Variants in RTN4RL1 observed in about 807,000 individuals in gnomAD.
The protein encoded by RTN4RL1 is reticulon-4 receptor-like 1.
Under a neutral mutation model 25.6 loss-of-function variants are expected in RTN4RL1, and 7 were observed. That is an observed-to-expected ratio of 0.27 (90% CI 0.16 to 0.51). RTN4RL1 has a LOEUF of 0.51. Ranked by LOEUF, RTN4RL1 falls within the 20% of genes least tolerant of loss-of-function variation. The pLI is 0.97. For synonymous variants in RTN4RL1, 297 were observed against 288.2 expected, an observed-to-expected ratio of 1.03 and a Z score of -0.31; for missense variants, 500 against 615.6, an observed-to-expected ratio of 0.81 and a Z score of 1.99.
At chr17:2,018,464 C>T (rs376876787) in intron 1 of RTN4RL1, among the ~76,000 whole-genome samples, 1 of 152,288 alleles carries the variant, frequency 6.6e-6, no homozygotes, top group East Asian at 1.9e-4. Context: ...AGATCCCAGC[C>T]AGAGAGGCTC....
intron 1 of RTN4RL1, among the ~76,000 whole-genome samples, chr17:1,991,378 G>GAGAAGCCAGA (rs2066907607): frequency 6.9e-6 from 1 of 145,146 alleles, no homozygotes; most frequent in African/African-American, 2.5e-5. Flanking sequence ...GATAAAGCCT[G>GAGAAGCCAGA]TGAGTTTGTT....
chr17:2,002,587 C>T lies in RTN4RL1; in HGVS notation c.13+22266G>A, dbSNP rs146065637. On this transcript the variant is annotated intron_variant, in intron 1 of 1. Transcript: ENST00000331238. The stretch of plus-strand genomic sequence containing the variant: ...GATTACAGGCGTGAGCCACCGCGCC[C>T]GGCCTGTCTTTCTTTATTTCCTCTC... 6.0e-3 allele frequency among the ~76,000 whole-genome samples: 909 copies of T among 152,122 alleles called. 2 individuals carry two copies. Among genetic ancestry groups the T allele is most frequent in the Middle Eastern group, 0.014 (4 of 290 alleles).
At position 1,981,898 on chromosome 17, in the gene RTN4RL1, C is replaced by T. The variant is rs548356303; in HGVS notation, c.13+42955G>A. On this transcript the variant is annotated intron_variant, in intron 1 of 1. Coordinates refer to ENST00000331238, the MANE Select transcript of RTN4RL1 (RefSeq NM_178568.4). ...CAGAAATCTAGATGCTAGAGCCTAC[C>T]GCACACCTAGGCTATATGGGATAGC... 4.1e-4 allele frequency among the ~76,000 whole-genome samples: 63 copies of T among 152,354 alleles called. 1 individual carries two copies. The highest frequency in any genetic ancestry group is 1.4e-3 in the African/African-American group (58 of 41,584).
intron 1 of RTN4RL1, among the ~76,000 whole-genome samples, chr17:1,980,003 C>T (rs2066860412): frequency 6.6e-6 from 1 of 152,166 alleles, no homozygotes; most frequent in South Asian, 2.1e-4. Flanking sequence ...CACACCCTGG[C>T]CTGGGGGTGT....
intron 1 of RTN4RL1, among the ~76,000 whole-genome samples, chr17:1,975,807 C>T (rs190500414): frequency 1.5e-3 from 227 of 152,284 alleles, no homozygotes; most frequent in African/African-American, 5.2e-3. Flanking sequence ...CCAATTCTGA[C>T]ACAGTTTCTT....
intron 1 of RTN4RL1, among the ~76,000 whole-genome samples, chr17:1,970,520 C>A (rs564510714): frequency 2.6e-5 from 4 of 152,168 alleles, no homozygotes; most frequent in African/African-American, 9.7e-5. Flanking sequence ...CCAGGTTCCA[C>A]GTGGGAAGGG....
chr17:1,971,645 C>T (rs527311305), intron 1 of RTN4RL1, among the ~76,000 whole-genome samples: 19 of 145,110 alleles, frequency 1.3e-4, no homozygotes, highest in African/African-American at 4.8e-4. Flanking sequence ...GCCTGGACAA[C>T]AGAAGGAGAC....
intron 1 of RTN4RL1, among the ~76,000 whole-genome samples, chr17:1,983,995 G>A (rs564001202): frequency 3.3e-5 from 5 of 152,280 alleles, no homozygotes; most frequent in East Asian, 3.9e-4. Context: ...AGGGCTGGCC[G>A]GAGCCCTGAG....
intron 1 of RTN4RL1, among the ~76,000 whole-genome samples, chr17:1,992,358 CAAAAA>C (rs1021180493): frequency 5.6e-5 from 3 of 53,314 alleles, no homozygotes; most frequent in South Asian, 6.3e-4. Context: ...GACTCTGTCT[CAAAAA>C]AAAAAAAAAA....
At chr17:2,005,007 T>C (rs981938415) in intron 1 of RTN4RL1, among the ~76,000 whole-genome samples, 5 of 152,340 alleles carry the variant, frequency 3.3e-5, no homozygotes, top group South Asian at 4.1e-4. Flanking sequence ...TAAATTTTTA[T>C]TTATTTGTTT....
chr17:1,986,589 G>A (rs529606774), intron 1 of RTN4RL1, among the ~76,000 whole-genome samples: 5 of 152,212 alleles, frequency 3.3e-5, no homozygotes, highest in Admixed American at 3.3e-4. Context: ...AGACTGGAGC[G>A]ATGCAGCCAC....
At chr17:2,002,376 T>C (rs1442558847) in intron 1 of RTN4RL1, among the ~76,000 whole-genome samples, 2 of 151,092 alleles carry the variant, frequency 1.3e-5, no homozygotes, top group African/African-American at 2.4e-5. Flanking sequence ...CACTGCAAGC[T>C]CCGCCTCCCG....
At chr17:1,968,985 T>C (rs2066805640) in intron 1 of RTN4RL1, among the ~76,000 whole-genome samples, 1 of 151,056 alleles carries the variant, frequency 6.6e-6, no homozygotes, top group Non-Finnish European at 1.5e-5. Context: ...CAACCCATGA[T>C]CTATAGCAAC....
intron 1 of RTN4RL1, among the ~76,000 whole-genome samples, chr17:1,953,763 C>A (rs925577827): frequency 3.3e-5 from 5 of 152,248 alleles, no homozygotes; most frequent in Non-Finnish European, 7.4e-5. Flanking sequence ...CGGGGTTTCA[C>A]CATGTTGGCC....
At chr17:1,941,373 T>A (rs1915434455) in intron 1 of RTN4RL1, among the ~76,000 whole-genome samples, 1 of 150,768 alleles carries the variant, frequency 6.6e-6, no homozygotes, top group African/African-American at 2.4e-5. Context: ...GTGGGAGGGG[T>A]CAGAGAGCAG....
At chr17:2,002,004 A>ATT (rs11457997) in intron 1 of RTN4RL1, among the ~76,000 whole-genome samples, 3,805 of 145,850 alleles carry the variant, frequency 0.026, 146 homozygotes, top group African/African-American at 0.087. Flanking sequence ...TGCTTAAAGG[A>ATT]TTTTTTTTTT....
At chr17:1,973,177 A>G (rs1243369387) in intron 1 of RTN4RL1, among the ~76,000 whole-genome samples, 1 of 151,884 alleles carries the variant, frequency 6.6e-6, no homozygotes, top group Non-Finnish European at 1.5e-5. Flanking sequence ...GGCCTGGCCA[A>G]CATGGCAAAA....
chr17:2,005,739 T>TTTTC (rs1555520911), intron 1 of RTN4RL1, among the ~76,000 whole-genome samples: 27 of 145,128 alleles, frequency 1.9e-4, no homozygotes, highest in Non-Finnish European at 3.3e-4. Context: ...CTCTCTCTCT[T>TTTTC]TCTCTCTCTC....
In RTN4RL1 at chr17:1,955,904, G is replaced by T. The variant is rs948124079; in HGVS notation, c.14-18096C>A. On this transcript the variant is annotated intron_variant, in intron 1 of 1. Coordinates refer to ENST00000331238, the MANE Select transcript of RTN4RL1 (RefSeq NM_178568.4). ...TTGAATTAAATAAGACTTGCCAGTTGTGGAAAACATGAAAAGTATAGAAGT... is the reference window on the plus strand; with the variant it reads ...TTGAATTAAATAAGACTTGCCAGTTTTGGAAAACATGAAAAGTATAGAAGT... 8.3e-4 allele frequency among the ~76,000 whole-genome samples: 127 copies of T among 152,176 alleles called. 1 individual carries two copies. The highest frequency in any genetic ancestry group is 3.0e-3 in the African/African-American group (124 of 41,518).
Sources: allele counts gnomAD v4.1 joint callset (sites outside exome capture counted in the v4.1 genomes callset), GRCh38; gene constraint gnomAD v4.1.1; transcripts MANE v1.5; gene names NCBI Gene and HGNC (gene_info 2026-07-23, HGNC 2026-07-21).